Variants in SOX6 observed in about 807,000 individuals in gnomAD.
The protein encoded by SOX6 is transcription factor SOX-6.
SOX6 carries 11 observed loss-of-function variants against 97.8 expected under a neutral mutation model. The ratio of observed to expected loss-of-function variants is 0.11; its 90% CI spans 0.07 to 0.19. The LOEUF (loss-of-function observed/expected upper bound fraction) is 0.19, where lower values mean the gene tolerates loss of function less well. Ranked by LOEUF, SOX6 falls within the 10% of genes least tolerant of loss-of-function variation. The probability of loss-of-function intolerance (pLI) is 1.00; values close to 1 mark genes in which losing one functional copy is unlikely to be tolerated. For missense variants in SOX6, 810 were observed against 1,039.5 expected (o/e 0.78, Z 3.04); for synonymous variants, 360 against 371.4 (o/e 0.97, Z 0.35).
At chr11:16,652,018 G>C (rs1050976354) in intron 3 of SOX6, among the ~76,000 whole-genome samples, 2 of 150,058 alleles carry the variant, frequency 1.3e-5, no homozygotes, top group African/African-American at 4.8e-5. Flanking sequence ...TTTTACAACA[G>C]CTGCAAAAAA....
At chr11:16,196,254 G>T (rs1015789704) in intron 4 of SOX6, among the ~76,000 whole-genome samples, 1 of 152,116 alleles carries the variant, frequency 6.6e-6, no homozygotes, top group African/African-American at 2.4e-5. Flanking sequence ...CAAAAGTAAC[G>T]CAGCTTGCCC....
intron 4 of SOX6, among the ~76,000 whole-genome samples, chr11:16,487,638 C>A (rs138773231): frequency 1.5e-3 from 226 of 152,282 alleles, no homozygotes; most frequent in Admixed American, 2.5e-3. Flanking sequence ...GTCCATACCT[C>A]TTTTTAATCA....
intron 6 of SOX6, among the ~76,000 whole-genome samples, chr11:16,134,545 T>A (rs927825307): frequency 2.0e-5 from 3 of 152,260 alleles, no homozygotes; most frequent in Non-Finnish European, 2.9e-5. Flanking sequence ...CCTACCAATG[T>A]CATTTTTCCA....
intron 1 of SOX6, among the ~76,000 whole-genome samples, chr11:16,449,355 C>G (rs1468771943): frequency 7.5e-6 from 1 of 133,226 alleles, no homozygotes; most frequent in African/African-American, 2.9e-5. Context: ...TGCAGTGGAG[C>G]CATCTCGGCT....
At chr11:16,301,364 C>T (rs956369012) in intron 3 of SOX6, among the ~76,000 whole-genome samples, 1 of 152,244 alleles carries the variant, frequency 6.6e-6, no homozygotes, top group Non-Finnish European at 1.5e-5. Context: ...TATTACATGG[C>T]TTGGACTATA....
At chr11:16,439,914 C>T (rs892231466) in intron 1 of SOX6, among the ~76,000 whole-genome samples, 1 of 152,152 alleles carries the variant, frequency 6.6e-6, no homozygotes, top group African/African-American at 2.4e-5. Flanking sequence ...GATTGGCATA[C>T]AACTGGTATT....
intron 3 of SOX6, among the ~76,000 whole-genome samples, chr11:16,277,719 T>C (rs1323782687): frequency 6.6e-6 from 1 of 152,200 alleles, no homozygotes. Context: ...AAATCCCACA[T>C]TCGTTTATCT....
chr11:16,289,479 T>C (rs2134255909), intron 3 of SOX6, among the ~76,000 whole-genome samples: 1 of 152,160 alleles, frequency 6.6e-6, no homozygotes, highest in Admixed American at 6.6e-5. Flanking sequence ...CTCACTTTTA[T>C]CTTTCTAATC....
At chr11:16,597,302 GTA>G (rs1001727247) in intron 4 of SOX6, among the ~76,000 whole-genome samples, 10 of 147,652 alleles carry the variant, frequency 6.8e-5, no homozygotes, top group Middle Eastern at 7.2e-3. Context: ...CCACTTATAT[GTA>G]TATATATATG....
intron 8 of SOX6, 92 bp from the exon 9 acceptor site, chr11:16,096,210 T>G: frequency 7.0e-7 from 1 of 1,429,154 alleles, no homozygotes; most frequent in Non-Finnish European, 9.7e-7. Context: ...TCCAGGGTAT[T>G]GACCACATCA....
intron 9 of SOX6, among the ~76,000 whole-genome samples, chr11:16,063,518 A>ACCTGCT (rs1848014774): frequency 1.7e-5 from 1 of 59,982 alleles, no homozygotes; most frequent in Non-Finnish European, 3.2e-5. Flanking sequence ...ATATATATAT[A>ACCTGCT]TATATATATA....
In SOX6 at chr11:16,735,110, T is replaced by C. The variant is rs2134062285; in HGVS notation, n.353+1229A>G. Reference sequence around the variant, plus strand: ...TTTCAGAGGCTGAATCTGCCTAGAATGCATAAAATGAATTTAAATGGAGAA... The same window carrying C: ...TTTCAGAGGCTGAATCTGCCTAGAACGCATAAAATGAATTTAAATGGAGAA... On this transcript the variant is annotated intron_variant and non_coding_transcript_variant, in intron 2 of 5. Transcript: ENST00000524520. Among the ~76,000 whole-genome samples, 4 of 152,266 alleles carry C rather than the reference T, an allele frequency of 2.6e-5. No individual in the cohort carries two copies. In the Middle Eastern group the frequency reaches 0.014, roughly 518 times the overall value.
intron 13 of SOX6, among the ~76,000 whole-genome samples, chr11:15,994,320 T>C (rs949519375): frequency 1.3e-5 from 2 of 151,078 alleles, no homozygotes; most frequent in Non-Finnish European, 2.9e-5. Flanking sequence ...CAGGTATGAA[T>C]GTGAAACTAT....
chr11:16,039,021 T>C lies in SOX6; in HGVS notation c.1623+7493A>G, dbSNP rs141957205. 2.6e-5 allele frequency among the ~76,000 whole-genome samples: 4 copies of C among 152,220 alleles called. No individual in the cohort carries two copies. In the East Asian group the frequency reaches 7.7e-4, roughly 29 times the overall value. On this transcript the variant is annotated intron_variant, in intron 12 of 15. Coordinates refer to ENST00000683767, the MANE Select transcript of SOX6 (RefSeq NM_001367873.1). ...AAATACTGTGGCTGTTGTAACACAT[T>C]TCCTTTTTGCCTGGTTACCAGGAAG...
intron 4 of SOX6, among the ~76,000 whole-genome samples, chr11:16,578,695 G>A (rs914020966): frequency 6.6e-6 from 1 of 151,988 alleles, no homozygotes; most frequent in Non-Finnish European, 1.5e-5. Flanking sequence ...GAAAGCTACA[G>A]AATTCTATGA....
intron 6 of SOX6, among the ~76,000 whole-genome samples, chr11:16,147,105 A>G (rs549459058): frequency 6.6e-6 from 1 of 152,276 alleles, no homozygotes; most frequent in African/African-American, 2.4e-5. Context: ...AACCAACCCA[A>G]ATGTCCAACA....
intron 6 of SOX6, among the ~76,000 whole-genome samples, chr11:16,170,932 A>G (rs1374362186): frequency 6.6e-6 from 1 of 152,030 alleles, no homozygotes; most frequent in Non-Finnish European, 1.5e-5. Context: ...GGAAAAGATT[A>G]AAGACCAGAC....
chr11:16,032,876 C>T (rs1057285214), intron 12 of SOX6, among the ~76,000 whole-genome samples: 2 of 152,176 alleles, frequency 1.3e-5, no homozygotes, highest in African/African-American at 4.8e-5. Context: ...GCCTGTCCTT[C>T]CTTTGAGGGC....
At chr11:16,177,170 G>T (rs1851211299) in intron 6 of SOX6, among the ~76,000 whole-genome samples, 2 of 151,968 alleles carry the variant, frequency 1.3e-5, no homozygotes, top group Admixed American at 1.3e-4. Context: ...TAATCTCAGG[G>T]TTATTTTAAA....
Sources: allele counts gnomAD v4.1 joint callset (sites outside exome capture counted in the v4.1 genomes callset), GRCh38; gene constraint gnomAD v4.1.1; transcripts MANE v1.5; gene names NCBI Gene and HGNC (gene_info 2026-07-23, HGNC 2026-07-21).